The following C1QTNF7 variants were observed in gnomAD, a reference collection of about 807,000 sequenced individuals.
C1QTNF7 encodes the protein C1q and TNF related 7, also known as complement C1q tumor necrosis factor-related protein 7.
In C1QTNF7, 15 loss-of-function variants were observed where a neutral mutation model predicts 19.6. The observed-to-expected ratio is 0.76, with a 90% confidence interval of 0.51 to 1.18. C1QTNF7 has a LOEUF of 1.18. Ranked by LOEUF, C1QTNF7 falls within the 50% of genes most tolerant of loss-of-function variation. The pLI, the probability that C1QTNF7 is intolerant of heterozygous loss-of-function variation, is 0.00. For missense variants in C1QTNF7, 324 were observed against 359.7 expected (o/e 0.90, Z 0.80); for synonymous variants, 142 against 137.5 (o/e 1.03, Z -0.23).
At chr4:15,393,391 A>T (rs1330188899) in intron 1 of C1QTNF7, among the ~76,000 whole-genome samples, 1 of 152,194 alleles carries the variant, frequency 6.6e-6, no homozygotes, top group East Asian at 1.9e-4. Flanking sequence ...CTGTGGTAAG[A>T]ACCTACAGGC....
chr4:15,356,123 TA>T (rs1463508956), intron 1 of C1QTNF7, among the ~76,000 whole-genome samples: 1 of 152,050 alleles, frequency 6.6e-6, no homozygotes, highest in Non-Finnish European at 1.5e-5. Flanking sequence ...TATTATATTT[TA>T]AGTTCTAGGA....
chr4:15,442,477 G>A lies in C1QTNF7; in HGVS notation c.548G>A (p.Gly183Glu). 6.2e-7 allele frequency: 1 copy of A among 1,614,174 alleles called. No individual in the cohort carries two copies. Among genetic ancestry groups the A allele is most frequent in the East Asian group, 2.2e-5 (1 of 44,882 alleles). ...GGAGAGCACTACAACCCTGCCACAG[G>A]GAAGTTCATCTGTGCTTTCCCAGGG... is the stretch of plus-strand genomic sequence containing the variant. Reference protein sequence around the residue: ...NEGEHYNPATGKFICAFPGIY... With the variant: ...NEGEHYNPATEKFICAFPGIY... Residue 183 changes from glycine (G) to glutamate (E), a missense_variant, in exon 3 of 3, where the codon GGG (glycine) becomes GAG (glutamate). Transcript: ENST00000444304.
chr4:15,343,186 C>T (rs1377935047), intron 1 of C1QTNF7, among the ~76,000 whole-genome samples: 1 of 152,208 alleles, frequency 6.6e-6, no homozygotes, highest in Non-Finnish European at 1.5e-5. Flanking sequence ...TAATTAAAAT[C>T]TAATGTTTTC....
chr4:15,442,215 G>A lies in C1QTNF7; in HGVS notation c.286G>A (p.Asp96Asn), dbSNP rs200575694. ...GCTAGGTCTTGCCGGTGAGAAAGGG[G>A]ACCAAGGAGAGACTGGGAAGAAAGG... is the stretch of plus-strand genomic sequence containing the variant. ...GPLGLAGEKG[D>N]QGETGKKGPI... Residue 96 changes from aspartate (D) to asparagine (N), a missense_variant, in exon 3 of 3, where the codon GAC (aspartate) becomes AAC (asparagine). Physicochemically the swap from Asp to Asn is conservative, Grantham distance 23. Coordinates refer to ENST00000444304, the MANE Select transcript of C1QTNF7 (RefSeq NM_031911.5). 66 of 1,613,796 alleles carry A rather than the reference G, an allele frequency of 4.1e-5. No individual in the cohort carries two copies. Among genetic ancestry groups the A allele is most frequent in the Non-Finnish European group, 5.3e-5 (63 of 1,179,916 alleles).
At chr4:15,382,513 T>C (rs1718185182) in intron 1 of C1QTNF7, among the ~76,000 whole-genome samples, 1 of 152,146 alleles carries the variant, frequency 6.6e-6, no homozygotes, top group Non-Finnish European at 1.5e-5. Context: ...CTCTCTTTCC[T>C]TACCTGGAAA....
rs1712869190 is a variant in C1QTNF7 at position 15,443,465 on chromosome 4, G to A, written c.*666G>A. 1 of 152,228 alleles carries A rather than the reference G, an allele frequency of 6.6e-6. No homozygotes were observed. The highest frequency in any genetic ancestry group is 2.4e-5 in the African/African-American group (1 of 41,456). 9.4% of individuals were successfully genotyped at this position (152,228 alleles called of 1,614,324 possible). On this transcript the variant is annotated 3_prime_UTR_variant, in exon 3 of 3. Transcript: ENST00000444304. Reference sequence around the variant, plus strand: ...AGTGTGATGAGCAGCATAGCAAACAGATGGATTTGAAGCTAAAAGCACACA... The same window carrying A: ...AGTGTGATGAGCAGCATAGCAAACAAATGGATTTGAAGCTAAAAGCACACA...
intron 1 of C1QTNF7, among the ~76,000 whole-genome samples, chr4:15,402,091 T>C (rs1577259529): frequency 6.6e-6 from 1 of 152,330 alleles, no homozygotes; most frequent in South Asian, 2.1e-4. Flanking sequence ...CATCAAGATA[T>C]GGACTGTGAA....
At chr4:15,406,871 A>C (rs1424959099) in intron 1 of C1QTNF7, among the ~76,000 whole-genome samples, 4 of 152,192 alleles carry the variant, frequency 2.6e-5, no homozygotes, top group Non-Finnish European at 5.9e-5. Context: ...TGCAGATCCC[A>C]AAATGATAAC....
In C1QTNF7 at chr4:15,445,374, G is replaced by GA. The variant is rs1363730291; in HGVS notation, c.*2577dup. On this transcript the variant is annotated 3_prime_UTR_variant, in exon 3 of 3. Coordinates refer to ENST00000444304, the MANE Select transcript of C1QTNF7 (RefSeq NM_031911.5). ...TGGAGAAGTTATTGCAGACAGTCAT[G>GA]AACCACAAATCACTGTGATTAAAAT... 6.6e-6 allele frequency: 1 copy of GA among 152,244 alleles called. No individual in the cohort carries two copies. The highest frequency in any genetic ancestry group is 1.5e-5 in the Non-Finnish European group (1 of 68,038). 9.4% of individuals were successfully genotyped at this position (152,244 alleles called of 1,614,324 possible). A position where few individuals can be genotyped will look rare whatever the true frequency, so the allele number is the denominator to read the frequency against.
chr4:15,428,018 C>T, upstream of C1QTNF7: 1 of 985,232 alleles, frequency 1.0e-6, no homozygotes, highest in Non-Finnish European at 1.2e-6. Context: ...TGTCTGGTAC[C>T]AAAGCAAGTT....
intron 2 of C1QTNF7, among the ~76,000 whole-genome samples, chr4:15,436,767 G>C (rs1489561350): frequency 6.6e-6 from 1 of 152,194 alleles, no homozygotes; most frequent in Non-Finnish European, 1.5e-5. Context: ...CTCTAAAAGA[G>C]GAAGGGATTT....
intron 1 of C1QTNF7, among the ~76,000 whole-genome samples, chr4:15,372,249 C>T (rs1478340920): frequency 6.6e-6 from 1 of 152,216 alleles, no homozygotes; most frequent in African/African-American, 2.4e-5. Context: ...GAGATAGAGG[C>T]GTTCATAGCT....
At chr4:15,340,148 C>T in exon 1 of C1QTNF7, 2 of 1,550,188 alleles carry the variant, frequency 1.3e-6, no homozygotes, top group Non-Finnish European at 1.7e-6. Flanking sequence ...CATGGGACAA[C>T]CAAAGCAAGA....
intron 1 of C1QTNF7, among the ~76,000 whole-genome samples, chr4:15,389,488 C>T (rs938532056): frequency 5.3e-5 from 8 of 152,138 alleles, no homozygotes; most frequent in Non-Finnish European, 8.8e-5. Context: ...GGTGCCATCA[C>T]GTCTCACTTC....
At chr4:15,348,284 G>T (rs1239636858) in intron 1 of C1QTNF7, among the ~76,000 whole-genome samples, 1 of 152,146 alleles carries the variant, frequency 6.6e-6, no homozygotes, top group Admixed American at 6.5e-5. Context: ...AATTTCAGTG[G>T]AGATGAAAGT....
At chr4:15,352,922 C>T (rs1716986513) in intron 1 of C1QTNF7, among the ~76,000 whole-genome samples, 1 of 152,176 alleles carries the variant, frequency 6.6e-6, no homozygotes, top group African/African-American at 2.4e-5. Context: ...TGTCCATTTG[C>T]AAGCAATATT....
At chr4:15,340,078 G>A (rs1716486364) in exon 1 of C1QTNF7, 1 of 1,183,352 alleles carries the variant, frequency 8.5e-7, no homozygotes, top group African/African-American at 1.5e-5. Context: ...CATTGTTTTG[G>A]AGTAGCTTCG....
intron 1 of C1QTNF7, among the ~76,000 whole-genome samples, chr4:15,351,353 A>G (rs1308120500): frequency 6.6e-6 from 1 of 152,132 alleles, no homozygotes; most frequent in Non-Finnish European, 1.5e-5. Context: ...CTTTTCTTTA[A>G]CAACACCATA....
chr4:15,363,847 T>C (rs994490571), intron 1 of C1QTNF7, among the ~76,000 whole-genome samples: 4 of 152,202 alleles, frequency 2.6e-5, no homozygotes, highest in Non-Finnish European at 5.9e-5. Flanking sequence ...GAAAGTGATA[T>C]CCAGAAAGAT....
Sources: allele counts gnomAD v4.1 joint callset (sites outside exome capture counted in the v4.1 genomes callset), GRCh38; gene constraint gnomAD v4.1.1; transcripts MANE v1.5; gene names NCBI Gene and HGNC (gene_info 2026-07-23, HGNC 2026-07-21).